The following DIABLO variants were observed in gnomAD, a reference collection of about 807,000 sequenced individuals.
DIABLO encodes diablo homolog, mitochondrial.
A neutral mutation model predicts 31.7 loss-of-function variants in DIABLO; 32 were observed. The ratio of observed to expected loss-of-function variants is 1.01; its 90% CI spans 0.76 to 1.35. The LOEUF (loss-of-function observed/expected upper bound fraction) is 1.35, where lower values mean the gene tolerates loss of function less well. Among genes scored for constraint, DIABLO ranks in the 40% most tolerant of loss-of-function variants. The probability of loss-of-function intolerance (pLI) is 0.00; values close to 1 mark genes in which losing one functional copy is unlikely to be tolerated. For missense variants in DIABLO, 316 were observed against 286.4 expected, an observed-to-expected ratio of 1.10 and a Z score of -0.75; for synonymous variants, 132 against 103.2, an observed-to-expected ratio of 1.28 and a Z score of -1.69.
At chr12:122,213,356 C>G (rs762176528) in intron 5 of DIABLO, among the ~76,000 whole-genome samples, 1 of 151,880 alleles carries the variant, frequency 6.6e-6, no homozygotes, top group African/African-American at 2.4e-5. Context: ...ATGGCAAAAT[C>G]CTGTCTCTAC....
chr12:122,222,854 C>T (rs1954364804), intron 2 of DIABLO, among the ~76,000 whole-genome samples: 1 of 152,140 alleles, frequency 6.6e-6, no homozygotes, highest in Non-Finnish European at 1.5e-5. Flanking sequence ...CAGTAATGCT[C>T]ACCTGCCCAC....
At position 122,217,004 on chromosome 12, in the gene DIABLO, G is replaced by A. The variant is rs548013231; in HGVS notation, c.316-135C>T. 16 of 719,764 alleles carry A rather than the reference G, an allele frequency of 2.2e-5. No individual in the cohort carries two copies. The South Asian group carries it at 2.2e-4, about 10-fold the overall frequency. 44.6% of individuals were successfully genotyped at this position (719,764 alleles called of 1,614,324 possible). On this transcript the variant is annotated intron_variant, in intron 3 of 5. Coordinates refer to ENST00000464942, the MANE Select transcript of DIABLO (RefSeq NM_001371333.1). ...TCCATCCTGCTGCCTCAATGAAATT[G>A]CACTATTATCCTATGAAGTAAAGGT... is the stretch of plus-strand genomic sequence containing the variant.
At chr12:122,215,343 C>A (rs752917216) in intron 5 of DIABLO, among the ~76,000 whole-genome samples, 3 of 152,202 alleles carry the variant, frequency 2.0e-5, no homozygotes, top group Non-Finnish European at 2.9e-5. Context: ...CTTTGGGAGG[C>A]CAAGGCGGGT....
chr12:122,226,410 C>T (rs546633656), upstream of DIABLO: 1 of 690,594 alleles, frequency 1.4e-6, no homozygotes, highest in Admixed American at 2.0e-5. Context: ...GAGGCGGGGC[C>T]GGGCGCGGCG....
chr12:122,209,042 A>C, intron 5 of DIABLO: 1 of 291,798 alleles, frequency 3.4e-6, no homozygotes, highest in South Asian at 3.1e-5. Context: ...GGTATTAAAT[A>C]TGTTTTATAA....
Position 122,218,502 on chromosome 12 carries a change from G to T in DIABLO, c.184-105C>A, listed in dbSNP as rs148055727. On this transcript the variant is annotated intron_variant, in intron 2 of 5. Transcript: ENST00000464942. The stretch of plus-strand genomic sequence containing the variant: ...AATTGTCATGCTGCTTAGTGTTTTA[G>T]GCTGAAACTGCACTATATTTCTTTG... 3.5e-5 allele frequency: 50 copies of T among 1,420,046 alleles called. No individual in the cohort carries two copies. The African/African-American group carries it at 4.1e-4, about 12-fold the overall frequency. 88.0% of individuals were successfully genotyped at this position (1,420,046 alleles called of 1,614,324 possible).
chr12:122,208,385 T>C lies in DIABLO; in HGVS notation c.716A>G (p.Asp239Gly). Residue 239 changes from aspartate to glycine, a missense_variant, in exon 6 of 6, where the codon GAT (aspartate) becomes GGT (glycine). Coordinates refer to ENST00000464942, the MANE Select transcript of DIABLO (RefSeq NM_001371333.1). ...ESEQEAYLRED is the reference protein window; with the variant it reads ...ESEQEAYLREG The stretch of plus-strand genomic sequence containing the variant: ...CAGGGCAGTGTGCTCAGGCCCTCAA[T>C]CCTCACGCAGGTAGGCCTCCTGCTC... 6.2e-7 allele frequency: 1 copy of C among 1,612,028 alleles called. No individual in the cohort carries two copies.
intron 5 of DIABLO, among the ~76,000 whole-genome samples, chr12:122,209,146 G>A (rs1954016523): frequency 6.6e-6 from 1 of 152,154 alleles, no homozygotes; most frequent in Non-Finnish European, 1.5e-5. Context: ...GATCACCTGA[G>A]GGTCAGAAGT....
At chr12:122,208,833 C>T in intron 5 of DIABLO, 1 of 591,168 alleles carries the variant, frequency 1.7e-6, no homozygotes. Flanking sequence ...GCAACTCTCA[C>T]AATCATCTTT....
Position 122,225,851 on chromosome 12 carries a change from G to T in DIABLO, c.50+114C>A, listed in dbSNP as rs945630385. On this transcript the variant is annotated intron_variant, in intron 1 of 5. Transcript: ENST00000464942. ...CGGAGCGAGACGCCGCGACCCAGCT[G>T]GGCGGACGAGAGATGAGCGCGTAAG... The T allele has an allele frequency of 2.6e-6, 4 of 1,531,254 alleles. No individual in the cohort carries two copies. In the African/African-American group the frequency reaches 5.5e-5, roughly 21 times the overall value. 94.9% of individuals were successfully genotyped at this position (1,531,254 alleles called of 1,614,324 possible).
At chr12:122,208,703 C>T (rs1314056976) in intron 5 of DIABLO, 126 bp from the exon 6 acceptor site, 1 of 891,702 alleles carries the variant, frequency 1.1e-6, no homozygotes, top group Non-Finnish European at 1.8e-6. Flanking sequence ...CTTGACCTCC[C>T]TGTCTTCTCT....
At chr12:122,211,254 T>A (rs1429258457) in intron 5 of DIABLO, among the ~76,000 whole-genome samples, 1 of 151,318 alleles carries the variant, frequency 6.6e-6, no homozygotes, top group Non-Finnish European at 1.5e-5. Flanking sequence ...TAAAAAAGAT[T>A]AATCGGGCGT....
At chr12:122,208,668 C>G (rs1953999801) in intron 5 of DIABLO, 91 bp from the exon 6 acceptor site, 1 of 1,323,814 alleles carries the variant, frequency 7.6e-7, no homozygotes. Flanking sequence ...TGGCTGTCAT[C>G]TGAACCCCTC....
chr12:122,224,489 A>G, intron 2 of DIABLO, 23 bp downstream of exon 2: 1 of 1,613,754 alleles, frequency 6.2e-7, no homozygotes, highest in Non-Finnish European at 8.5e-7. Context: ...ACACTAGATA[A>G]GAATCACTGC....
rs546846027 is a variant in DIABLO at position 122,208,495 on chromosome 12, C to T, written c.606G>A (p.Arg202=). The stretch of plus-strand genomic sequence containing the variant: ...CTTCTGCCAGCTTGGTTTCTGCTTT[C>T]CGGGAGAGCTGGTGCACCTCTTCCA... The part of the protein sequence containing the change: ...LQVEEVHQLS[R]KAETKLAEAQ... Residue 202 remains arginine (R), a synonymous_variant, in exon 6 of 6, where the codon CGG becomes CGA. Transcript: ENST00000464942. 2 of 1,614,036 alleles carry T rather than the reference C, an allele frequency of 1.2e-6. No individual in the cohort carries two copies. The highest frequency in any genetic ancestry group is 2.7e-5 in the African/African-American group (2 of 74,936).
intron 5 of DIABLO, among the ~76,000 whole-genome samples, chr12:122,213,121 C>CA (rs1954124081): frequency 6.6e-6 from 1 of 152,080 alleles, no homozygotes; most frequent in African/African-American, 2.4e-5. Context: ...ATCGTGTTGT[C>CA]AAGTCTGGTC....
chr12:122,226,006 A>G lies in DIABLO; in HGVS notation c.9T>C (p.Ala3=), dbSNP rs1241016580. ...CGCTGCGCGACAGCCAACTCTTCAG[A>G]GCCGCCATTGTGCAGCGCGCGGACG... The part of the protein sequence containing the change: MA[A]LKSWLSRSVT... The change falls in exon 1 of 6, where the codon GCT becomes GCC. Residue 3 remains alanine, a synonymous_variant. Transcript: ENST00000464942. 1.9e-6 allele frequency: 3 copies of G among 1,603,432 alleles called. No individual in the cohort carries two copies. The African/African-American group carries it at 4.0e-5, about 21-fold the overall frequency.
upstream of DIABLO, chr12:122,226,056 G>T (rs906787930): frequency 1.9e-6 from 3 of 1,583,926 alleles, no homozygotes; most frequent in Admixed American, 1.8e-5. Flanking sequence ...CGGAAGTGAC[G>T]CAGCTTCGTG....
In DIABLO at chr12:122,213,928, TA is replaced by T. The variant is rs553865472; in HGVS notation, c.523+2559del. On this transcript the variant is annotated intron_variant, in intron 5 of 5. Transcript: ENST00000464942. ...GGTGAAACTCCGTCTCTACTAAAAATAAAAAAATTAGCCAGGCATGGTGGCA... is the reference window on the plus strand; with the variant it reads ...GGTGAAACTCCGTCTCTACTAAAAATAAAAAATTAGCCAGGCATGGTGGCA... Among the ~76,000 whole-genome samples the T allele has an allele frequency of 3.5e-3, 530 of 151,908 alleles. 6 individuals are homozygous for T. The highest frequency in any genetic ancestry group is 0.012 in the African/African-American group (506 of 41,426).
Sources: allele counts gnomAD v4.1 joint callset (sites outside exome capture counted in the v4.1 genomes callset), GRCh38; gene constraint gnomAD v4.1.1; transcripts MANE v1.5; gene names NCBI Gene and HGNC (gene_info 2026-07-23, HGNC 2026-07-21).